The following TBC1D14 variants were observed in gnomAD, a reference collection of about 807,000 sequenced individuals.
TBC1D14 encodes the protein TBC1 domain family, member 14.
In TBC1D14, 26 loss-of-function variants were observed where a neutral mutation model predicts 79.0. The ratio of observed to expected loss-of-function variants is 0.33; its 90% CI spans 0.24 to 0.46. TBC1D14 has a LOEUF of 0.46. Among genes scored for constraint, TBC1D14 ranks in the 20% least tolerant of loss-of-function variants. The pLI is 1.00. For synonymous variants in TBC1D14, 394 were observed against 349.9 expected, an observed-to-expected ratio of 1.13 and a Z score of -1.40; for missense variants, 769 against 887.6, an observed-to-expected ratio of 0.87 and a Z score of 1.70.
chr4:7,027,663 C>G (rs1260940540), intron 13 of TBC1D14, among the ~76,000 whole-genome samples: 2 of 89,334 alleles, frequency 2.2e-5, no homozygotes, highest in African/African-American at 7.8e-5. Context: ...CCCACAATCA[C>G]CCCACACAAT....
chr4:6,926,095 C>T (rs557344687), intron 2 of TBC1D14, among the ~76,000 whole-genome samples: 15 of 152,346 alleles, frequency 9.8e-5, no homozygotes, highest in African/African-American at 3.6e-4. Flanking sequence ...GAACCGTGCG[C>T]GGAGGAGCGT....
At chr4:6,954,409 C>T in intron 2 of TBC1D14, 1 of 717,206 alleles carries the variant, frequency 1.4e-6, no homozygotes, top group Non-Finnish European at 2.6e-6. Context: ...GTCTTTCCTG[C>T]GTGTAGCTTT....
intron 9 of TBC1D14, chr4:7,007,481 C>T: frequency 2.4e-6 from 3 of 1,236,250 alleles, no homozygotes; most frequent in Non-Finnish European, 3.2e-6. Context: ...TTGCAGAATA[C>T]CTTTGCACCT....
At chr4:7,027,924 C>CA (rs1491229717) in intron 13 of TBC1D14, among the ~76,000 whole-genome samples, 10 of 149,502 alleles carry the variant, frequency 6.7e-5, no homozygotes, top group Non-Finnish European at 1.3e-4. Flanking sequence ...ACAATCACCC[C>CA]ACACAGTTAC....
chr4:7,012,253 G>C (rs1249488300), intron 11 of TBC1D14, among the ~76,000 whole-genome samples: 1 of 149,956 alleles, frequency 6.7e-6, no homozygotes, highest in African/African-American at 2.5e-5. Context: ...AGTGAGCCGA[G>C]ATTGCGCCAC....
chr4:6,983,158 G>A (rs1444541464), intron 3 of TBC1D14, among the ~76,000 whole-genome samples: 1 of 152,054 alleles, frequency 6.6e-6, no homozygotes, highest in Non-Finnish European at 1.5e-5. Context: ...TTTTAGTAGA[G>A]ACAGGGTTTC....
At chr4:6,970,410 G>A (rs1368020188) in intron 3 of TBC1D14, among the ~76,000 whole-genome samples, 4 of 152,342 alleles carry the variant, frequency 2.6e-5, no homozygotes, top group East Asian at 1.9e-4. Flanking sequence ...ATACACACAC[G>A]CACTCAGAAT....
At chr4:6,929,346 C>T (rs968503005) in intron 2 of TBC1D14, among the ~76,000 whole-genome samples, 7 of 152,172 alleles carry the variant, frequency 4.6e-5, no homozygotes, top group Non-Finnish European at 5.9e-5. Flanking sequence ...CAAGAAGATT[C>T]GAAGGTGGGC....
intron 2 of TBC1D14, among the ~76,000 whole-genome samples, chr4:6,952,846 GTTGTTTTTGTT>G (rs1056845578): frequency 6.6e-6 from 1 of 151,466 alleles, no homozygotes; most frequent in Non-Finnish European, 1.5e-5. Context: ...TTTTGTTGTT[GTTGTTTTTGTT>G]TTGTTTTTGA....
At chr4:7,023,410 C>T (rs1436371891) in intron 12 of TBC1D14, among the ~76,000 whole-genome samples, 1 of 152,076 alleles carries the variant, frequency 6.6e-6, no homozygotes, top group Non-Finnish European at 1.5e-5. Context: ...ACTCTCCTGC[C>T]CTTTCTCATA....
At chr4:7,027,791 AC>A (rs1439650154) in intron 13 of TBC1D14, among the ~76,000 whole-genome samples, 1 of 123,474 alleles carries the variant, frequency 8.1e-6, no homozygotes, top group Non-Finnish European at 1.7e-5. Context: ...ATACACAATC[AC>A]CCCCTACACA....
At chr4:7,007,104 G>A (rs1016226300) in intron 9 of TBC1D14, among the ~76,000 whole-genome samples, 2 of 152,204 alleles carry the variant, frequency 1.3e-5, no homozygotes, top group African/African-American at 2.4e-5. Context: ...CCATGTTGGT[G>A]TGATGGGCTT....
intron 12 of TBC1D14, among the ~76,000 whole-genome samples, chr4:7,024,405 G>T (rs1390626683): frequency 6.6e-6 from 1 of 152,226 alleles, no homozygotes; most frequent in Admixed American, 6.5e-5. Context: ...CACTGTCAGT[G>T]TTGGGCAGGT....
At chr4:6,965,813 C>T (rs1203406103) in intron 2 of TBC1D14, among the ~76,000 whole-genome samples, 1 of 152,208 alleles carries the variant, frequency 6.6e-6, no homozygotes, top group African/African-American at 2.4e-5. Context: ...CACCACTCCT[C>T]GCTGGTGATG....
intron 2 of TBC1D14, among the ~76,000 whole-genome samples, chr4:6,929,535 G>C (rs1420877432): frequency 6.6e-6 from 1 of 152,184 alleles, no homozygotes; most frequent in Non-Finnish European, 1.5e-5. Flanking sequence ...TGAGGGATCA[G>C]CTTGTGCAAA....
intron 13 of TBC1D14, among the ~76,000 whole-genome samples, chr4:7,026,922 A>AT (rs1560370129): frequency 1.3e-5 from 2 of 151,602 alleles, no homozygotes; most frequent in Non-Finnish European, 3.0e-5. Flanking sequence ...CAAACAAAAA[A>AT]AACAGGTTGG....
intron 2 of TBC1D14, among the ~76,000 whole-genome samples, chr4:6,960,037 C>A: frequency 6.7e-6 from 1 of 148,730 alleles, no homozygotes; most frequent in South Asian, 2.2e-4. Flanking sequence ...TCAAAAATTA[C>A]AAGACAGTAT....
chr4:6,937,865 C>T (rs531823932), intron 2 of TBC1D14, among the ~76,000 whole-genome samples: 8 of 152,024 alleles, frequency 5.3e-5, no homozygotes, highest in South Asian at 2.1e-4. Context: ...ACCGTGTGGG[C>T]GGGGAGGCTC....
intron 2 of TBC1D14, among the ~76,000 whole-genome samples, chr4:6,930,963 T>C (rs950104448): frequency 1.3e-5 from 2 of 152,132 alleles, no homozygotes; most frequent in Middle Eastern, 3.4e-3. Context: ...TGCAGTGGTG[T>C]CATCTCGGCT....
Sources: allele counts gnomAD v4.1 joint callset (sites outside exome capture counted in the v4.1 genomes callset), GRCh38; gene constraint gnomAD v4.1.1; transcripts MANE v1.5; gene names NCBI Gene and HGNC (gene_info 2026-07-23, HGNC 2026-07-21).